The following SPATA6L variants were observed in gnomAD, a reference collection of about 807,000 sequenced individuals.
SPATA6L encodes the protein spermatogenesis associated 6 like.
In SPATA6L, 68 loss-of-function variants were observed where a neutral mutation model predicts 49.2. The observed-to-expected ratio is 1.38, with a 90% CI of 1.14 to 1.69. The LOEUF (loss-of-function observed/expected upper bound fraction) is 1.69. Among genes scored for constraint, SPATA6L ranks in the 40% most tolerant of loss-of-function variants. SPATA6L has a pLI of 0.00. For missense variants in SPATA6L, 668 were observed against 464.3 expected, an observed-to-expected ratio of 1.44 and a Z score of -4.03; for synonymous variants, 198 against 165.7, an observed-to-expected ratio of 1.19 and a Z score of -1.50.
intron 9 of SPATA6L, among the ~76,000 whole-genome samples, chr9:4,606,794 G>C (rs1016889764): frequency 6.7e-6 from 1 of 148,400 alleles, no homozygotes; most frequent in Admixed American, 6.8e-5. Flanking sequence ...GCTGGACGGA[G>C]AACGACTTCG....
In SPATA6L at chr9:4,662,836, T is replaced by G; in HGVS notation, c.40-800A>C. ...TGGCTGCTGGGCACCCTCTACTGCC[T>G]GTGCAGGAGCGACAGCTGGGCCGGG... On this transcript the variant is annotated intron_variant, in intron 1 of 11. Transcript: ENST00000682582. This position sits in a 1 kb window ranked among gnomAD's most constrained non-coding sequence, Gnocchi z 4.9. 1.2e-6 allele frequency: 2 copies of G among 1,605,238 alleles called. No individual in the cohort carries two copies. Among genetic ancestry groups the G allele is most frequent in the South Asian group, 1.1e-5 (1 of 91,078 alleles).
intron 9 of SPATA6L, among the ~76,000 whole-genome samples, chr9:4,615,771 C>T (rs1196391646): frequency 6.6e-6 from 1 of 152,078 alleles, no homozygotes; most frequent in East Asian, 1.9e-4. Flanking sequence ...TGTCCATTGC[C>T]CCCAACAGTT....
intron 9 of SPATA6L, among the ~76,000 whole-genome samples, chr9:4,610,863 C>G (rs1014059408): frequency 6.6e-6 from 1 of 151,688 alleles, no homozygotes; most frequent in Non-Finnish European, 1.5e-5. Context: ...AACAGGCAAC[C>G]TACAAAATGG....
chr9:4,621,092 A>G (rs974081460), intron 7 of SPATA6L, among the ~76,000 whole-genome samples: 5 of 152,314 alleles, frequency 3.3e-5, no homozygotes, highest in African/African-American at 7.2e-5. Context: ...AAAGATCTCT[A>G]TTGTCAGGGA....
chr9:4,612,731 C>T (rs1313509642), intron 9 of SPATA6L, among the ~76,000 whole-genome samples: 1 of 152,172 alleles, frequency 6.6e-6, no homozygotes, highest in East Asian at 1.9e-4. Context: ...AACTGAATAG[C>T]ACAGTAAGTA....
chr9:4,606,990 G>A (rs1481843373), intron 9 of SPATA6L, among the ~76,000 whole-genome samples: 4 of 148,424 alleles, frequency 2.7e-5, no homozygotes, highest in Middle Eastern at 6.8e-3. Context: ...AGAACTACGT[G>A]AAGAATGCAG....
intron 4 of SPATA6L, chr9:4,633,825 G>A (rs1832179080): frequency 6.6e-6 from 1 of 152,210 alleles, no homozygotes; most frequent in African/African-American, 2.4e-5. Flanking sequence ...CCATTGCTAT[G>A]GGAATTGGTT....
chr9:4,664,103 C>T (rs544843986), intron 1 of SPATA6L: 6 of 167,160 alleles, frequency 3.6e-5, no homozygotes, highest in South Asian at 2.1e-4. Context: ...TTGTTTACAA[C>T]GTAACATGGC....
At chr9:4,590,543 AC>A (rs1452081680) in intron 13 of SPATA6L, among the ~76,000 whole-genome samples, 1 of 152,062 alleles carries the variant, frequency 6.6e-6, no homozygotes, top group African/African-American at 2.4e-5. Flanking sequence ...TTATGAGTAA[AC>A]CCCCAAAAGA....
chr9:4,592,268 T>C (rs1459469762), intron 13 of SPATA6L, among the ~76,000 whole-genome samples: 1 of 139,742 alleles, frequency 7.2e-6, no homozygotes, highest in African/African-American at 2.7e-5. Context: ...TGAGCTGAGA[T>C]CACGCCACTG....
rs139214124 is a variant in SPATA6L at position 4,624,497 on chromosome 9, G to A, written c.669+830C>T. 6.1e-3 allele frequency among the ~76,000 whole-genome samples: 927 copies of A among 152,260 alleles called. 14 individuals are homozygous for A. The highest frequency in any genetic ancestry group is 0.022 in the African/African-American group (899 of 41,558). Reference sequence around the variant, plus strand: ...AATCCCAGCACTTTGGGAGGCTGATGTGGGTGGATCATCTGAGGTCAGGAG... The same window carrying A: ...AATCCCAGCACTTTGGGAGGCTGATATGGGTGGATCATCTGAGGTCAGGAG... On this transcript the variant is annotated intron_variant, in intron 6 of 11. Coordinates refer to ENST00000682582, the MANE Select transcript of SPATA6L (RefSeq NM_001353486.2).
chr9:4,624,765 G>A (rs1830035316), intron 6 of SPATA6L, among the ~76,000 whole-genome samples: 1 of 150,758 alleles, frequency 6.6e-6, no homozygotes, highest in Non-Finnish European at 1.5e-5. Flanking sequence ...GAGACTAAGA[G>A]AACTAGTGTG....
chr9:4,663,321 C>T, intron 1 of SPATA6L: 1 of 1,527,604 alleles, frequency 6.5e-7, no homozygotes, highest in Non-Finnish European at 8.9e-7. Flanking sequence ...TCGATGATGT[C>T]AACCTAAACC....
chr9:4,594,444 A>G (rs201621408), downstream of SPATA6L, among the ~76,000 whole-genome samples: 2 of 151,954 alleles, frequency 1.3e-5, no homozygotes, highest in South Asian at 4.1e-4. Flanking sequence ...GATCTCCTGA[A>G]CTCATGATCT....
At chr9:4,598,268 C>CAGGCTTTGACAG (rs1182022419), downstream of SPATA6L, among the ~76,000 whole-genome samples, 1 of 152,086 alleles carries the variant, frequency 6.6e-6, no homozygotes, top group African/African-American at 2.4e-5. Context: ...GATCTGCAAC[C>CAGGCTTTGACAG]ATAAAAATCA....
intron 3 of SPATA6L, among the ~76,000 whole-genome samples, chr9:4,650,424 A>T (rs1446101045): frequency 6.6e-6 from 1 of 152,216 alleles, no homozygotes; most frequent in Non-Finnish European, 1.5e-5. Context: ...CAAAAGGGCA[A>T]ACTAAACCTA....
intron 11 of SPATA6L, among the ~76,000 whole-genome samples, chr9:4,603,038 G>A (rs1314614750): frequency 6.6e-6 from 1 of 152,182 alleles, no homozygotes; most frequent in Non-Finnish European, 1.5e-5. Flanking sequence ...AAACGATGAT[G>A]TCCCACAATG....
intron 5 of SPATA6L, chr9:4,628,213 G>A (rs191947957): frequency 6.0e-4 from 106 of 176,462 alleles, no homozygotes; most frequent in African/African-American, 2.4e-3. Context: ...GACTATAGTC[G>A]ATAATAATTT....
At chr9:4,643,257 T>A (rs556164631) in intron 3 of SPATA6L, among the ~76,000 whole-genome samples, 1 of 152,300 alleles carries the variant, frequency 6.6e-6, no homozygotes, top group Admixed American at 6.5e-5. Flanking sequence ...CCGCCCACCT[T>A]GGCCTCCCCA....
Sources: gnomAD v4.1 joint callset for allele counts (sites outside exome capture counted in the v4.1 genomes callset) on GRCh38, gnomAD v4.1.1 for gene constraint, Gnocchi (gnomAD v3.1) non-coding constraint, MANE v1.5 for transcripts, NCBI Gene and HGNC (gene_info 2026-07-23, HGNC 2026-07-21) for gene names.